PIK3CD: variants seen among roughly 807,000 people sequenced by gnomAD.
PIK3CD encodes the protein phosphatidylinositol 4,5-bisphosphate 3-kinase catalytic subunit delta isoform.
A neutral mutation model predicts 122.9 loss-of-function variants in PIK3CD; 20 were observed. The observed-to-expected ratio is 0.16, with a 90% CI of 0.11 to 0.24. The LOEUF is 0.24. Ranked by LOEUF, PIK3CD falls within the 10% of genes least tolerant of loss-of-function variation. PIK3CD has a pLI of 1.00. For synonymous variants in PIK3CD, 596 were observed against 593.4 expected (o/e 1.00, Z -0.06); for missense variants, 787 against 1,406.3 (o/e 0.56, Z 7.04).
rs377475432 is a variant in PIK3CD, at chr1:9,718,931, G to A, written c.1242+16G>A. On this transcript the variant is annotated intron_variant, in intron 9 of 23. Transcript: ENST00000377346. This position sits in a 1 kb window ranked among gnomAD's most constrained non-coding sequence, Gnocchi z 7.2. ...CAAGAAGGCGGTGGGTCCCAGGGCC[G>A]GCTGGGAGGGGTGCAGACCCCGGAG... The A allele has an allele frequency of 6.2e-5, 100 of 1,607,116 alleles. No homozygotes were observed. Among genetic ancestry groups the A allele is most frequent in the Middle Eastern group, 3.3e-4 (2 of 6,048 alleles).
rs1392387843 is a variant in PIK3CD, at chr1:9,654,373, T to C, written c.-138+2571T>C. Reference sequence around the variant, plus strand: ...TCCGATACCATGTTTAGCAAGTGTTTCCTGAGATCACACGGGGTGCCAGGG... The same window carrying C: ...TCCGATACCATGTTTAGCAAGTGTTCCCTGAGATCACACGGGGTGCCAGGG... On this transcript the variant is annotated intron_variant, in intron 1 of 23. Coordinates refer to ENST00000377346, the MANE Select transcript of PIK3CD (RefSeq NM_005026.5). The C allele has an allele frequency of 2.9e-6, 4 of 1,367,556 alleles. No homozygotes were observed. In the East Asian group the frequency reaches 1.8e-4, roughly 62 times the overall value. The allele number at this position is 1,367,556 out of a possible 1,614,324, so 84.7% of individuals were successfully genotyped here. A position where few individuals can be genotyped will look rare whatever the true frequency, so the allele number is the denominator to read the frequency against.
At chr1:9,636,790 G>A in the PIK3CD span, among the ~76,000 whole-genome samples, 4 of 152,330 alleles carry the variant, frequency 2.6e-5, no homozygotes, top group East Asian at 7.7e-4. Context: ...CAAGGAGGGC[G>A]AAGCGCACAG....
chr1:9,676,113 C>G (rs1321660152), intron 1 of PIK3CD, among the ~76,000 whole-genome samples: 3 of 151,912 alleles, frequency 2.0e-5, no homozygotes, highest in African/African-American at 7.3e-5. Flanking sequence ...TGTATTTTTA[C>G]TATACATGGG....
intron 1 of PIK3CD, chr1:9,654,241 C>T: frequency 1.5e-6 from 2 of 1,367,730 alleles, no homozygotes; most frequent in Non-Finnish European, 2.0e-6. Context: ...GAGGTACTCC[C>T]GACCACGCAG....
intron 2 of PIK3CD, among the ~76,000 whole-genome samples, chr1:9,703,330 C>T (rs1217824471): frequency 6.6e-6 from 1 of 152,230 alleles, no homozygotes; most frequent in Middle Eastern, 3.2e-3. Flanking sequence ...ACTCAGGCCC[C>T]TGATTGGCTG....
the PIK3CD span, among the ~76,000 whole-genome samples, chr1:9,646,347 GAAAACCAAGC>G: frequency 3.3e-5 from 5 of 152,172 alleles, no homozygotes; most frequent in Non-Finnish European, 5.9e-5. Context: ...AGATTCACGT[GAAAACCAAGC>G]AAGTTTATTA....
chr1:9,647,102 ACT>A (rs1644616225), upstream of PIK3CD, among the ~76,000 whole-genome samples: 2 of 149,564 alleles, frequency 1.3e-5, no homozygotes, highest in African/African-American at 4.9e-5. Flanking sequence ...CAAAAGTGAG[ACT>A]CTGTCTAAAA....
At chr1:9,640,435 C>T in the PIK3CD span, among the ~76,000 whole-genome samples, 1 of 151,986 alleles carries the variant, frequency 6.6e-6, no homozygotes, top group Non-Finnish European at 1.5e-5. Flanking sequence ...CAAAAATTAG[C>T]TAGGCGTGGT....
At position 9,728,978 on chromosome 1, in the gene PIK3CD, G is replaced by A. The variant is rs1382310495; in HGVS notation, c.*1932G>A. 1 of 152,166 alleles carries A rather than the reference G, an allele frequency of 6.6e-6. No individual in the cohort carries two copies. The highest frequency in any genetic ancestry group is 1.5e-5 in the Non-Finnish European group (1 of 68,030). 9.4% of individuals were successfully genotyped at this position (152,166 alleles called of 1,614,324 possible). A position where few individuals can be genotyped will look rare whatever the true frequency, so the allele number is the denominator to read the frequency against. The stretch of plus-strand genomic sequence containing the variant: ...GCTCAAAAAGAAACAAGGGAGTGTA[G>A]GTTTAAAACCAAAACAGGAGAGAAG... On this transcript the variant is annotated 3_prime_UTR_variant, in exon 24 of 24. Coordinates refer to ENST00000377346, the MANE Select transcript of PIK3CD (RefSeq NM_005026.5).
At chr1:9,714,992 G>A (rs961632775) in intron 3 of PIK3CD, among the ~76,000 whole-genome samples, 2 of 151,922 alleles carry the variant, frequency 1.3e-5, no homozygotes, top group African/African-American at 4.8e-5. Context: ...CCAATGTAGC[G>A]AAACCCCATC....
the PIK3CD span, among the ~76,000 whole-genome samples, chr1:9,640,471 T>C: frequency 7.2e-6 from 1 of 138,772 alleles, no homozygotes; most frequent in East Asian, 2.4e-4. Flanking sequence ...TCCCAGCTAC[T>C]TGGGAGGCCG....
intron 1 of PIK3CD, among the ~76,000 whole-genome samples, chr1:9,675,212 C>T (rs1308335390): frequency 2.0e-5 from 3 of 150,406 alleles, no homozygotes; most frequent in African/African-American, 4.9e-5. Flanking sequence ...GGTGAAACCC[C>T]GTCTCTACTA....
intron 2 of PIK3CD, among the ~76,000 whole-genome samples, chr1:9,709,423 GA>G (rs1646964460): frequency 6.6e-6 from 1 of 152,076 alleles, no homozygotes; most frequent in East Asian, 1.9e-4. Flanking sequence ...AAGTTTCAGA[GA>G]GGCTGGATAT....
intron 2 of PIK3CD, among the ~76,000 whole-genome samples, chr1:9,701,184 T>G (rs556389965): frequency 6.6e-6 from 1 of 152,170 alleles, no homozygotes; most frequent in Admixed American, 6.5e-5. Context: ...AGTTGAAGTC[T>G]TCAACTTGCT....
At chr1:9,674,728 G>C (rs903559411) in intron 1 of PIK3CD, among the ~76,000 whole-genome samples, 34 of 150,308 alleles carry the variant, frequency 2.3e-4, no homozygotes, top group African/African-American at 8.1e-4. Context: ...AAAGAAAAGA[G>C]AGAAAAGGAA....
At position 9,700,071 on chromosome 1, in the gene PIK3CD, C is replaced by T. The variant is rs1043329984; in HGVS notation, c.-33+8500C>T. On this transcript the variant is annotated intron_variant, in intron 2 of 23. Transcript: ENST00000377346. This position sits in a 1 kb window ranked among gnomAD's most constrained non-coding sequence, Gnocchi z 5.1. Reference sequence around the variant, plus strand: ...TTTTTATTATATTCCAGTGCTTTTACTACCTGAAGCATCTTGTTTATCTAT... The same window carrying T: ...TTTTTATTATATTCCAGTGCTTTTATTACCTGAAGCATCTTGTTTATCTAT... Among the ~76,000 whole-genome samples, 1 of 152,184 alleles carries T rather than the reference C, an allele frequency of 6.6e-6. No homozygotes were observed. The highest frequency in any genetic ancestry group is 1.5e-5 in the Non-Finnish European group (1 of 68,026).
chr1:9,702,537 T>TTTTTTG (rs1646683763), intron 2 of PIK3CD, among the ~76,000 whole-genome samples: 21 of 127,092 alleles, frequency 1.7e-4, no homozygotes, highest in East Asian at 2.8e-4. Context: ...TTTTTTTTTT[T>TTTTTTG]GAGGCAGAGT....
the PIK3CD span, among the ~76,000 whole-genome samples, chr1:9,635,373 G>C: frequency 0.4 from 60,739 of 151,470 alleles, 14,603 homozygotes; most frequent in East Asian, 0.82. Context: ...TCTGCTGCAT[G>C]ATTCTCCCCC....
rs761349863 is a variant in PIK3CD, at chr1:9,710,568, G to T, written c.113G>T (p.Arg38Leu). 6.2e-7 allele frequency: 1 copy of T among 1,613,826 alleles called. No individual in the cohort carries two copies. Residue 38 changes from arginine to leucine, a missense_variant, in exon 3 of 24, where the codon CGC (arginine) becomes CTC (leucine). By Grantham distance (102) the Arg-to-Leu change is moderately radical (BLOSUM62 -2). This residue lies in a region of PIK3CD where 592 missense variants were observed against 920.6 expected (regional missense o/e 0.64). Transcript: ENST00000377346. The surrounding 1 kb of genome is among the most constrained non-coding windows in gnomAD (Gnocchi z 4.7). The part of the protein sequence containing the change: ...TGVYLNFPVS[R>L]NANLSTIKQL... ...GTCTACCTGAACTTCCCTGTGTCCC[G>T]CAATGCCAACCTCAGCACCATCAAG...
Sources: gnomAD v4.1 joint callset for allele counts (sites outside exome capture counted in the v4.1 genomes callset) on GRCh38, gnomAD v4.1.1 for gene constraint, gnomAD v4.1.1 regional missense constraint, Gnocchi (gnomAD v3.1) non-coding constraint, MANE v1.5 for transcripts, NCBI Gene and HGNC (gene_info 2026-07-23, HGNC 2026-07-21) for gene names.